NMNAT1: variants seen among roughly 807,000 people sequenced by gnomAD.
NMNAT1 encodes nicotinamide/nicotinic acid mononucleotide adenylyltransferase 1.
In NMNAT1, 11 loss-of-function variants were observed where a neutral mutation model predicts 16.7. The ratio of observed to expected loss-of-function variants is 0.66; its 90% CI spans 0.41 to 1.09. The LOEUF (loss-of-function observed/expected upper bound fraction) is 1.09. NMNAT1 is among the 50% of genes least tolerant of loss of function. The pLI, the probability that NMNAT1 is intolerant of heterozygous loss-of-function variation, is 0.00. For missense variants in NMNAT1, 280 were observed against 332.3 expected, an observed-to-expected ratio of 0.84 and a Z score of 1.22; for synonymous variants, 110 against 119.8, an observed-to-expected ratio of 0.92 and a Z score of 0.53.
chr1:9,961,109 T>C (rs77399611), intron 1 of NMNAT1, among the ~76,000 whole-genome samples: 18 of 152,270 alleles, frequency 1.2e-4, no homozygotes, highest in African/African-American at 4.3e-4. Context: ...AGACAAGTTA[T>C]AGATGTAACA....
rs556455579 is a variant in NMNAT1, at chr1:9,956,981, C to T, written c.-57+13466C>T. ...TCCTGATCTTGTGATCCACCCGCCT[C>T]GGCCTCCCAAAATGCTAAGATTACA... On this transcript the variant is annotated intron_variant, in intron 1 of 4. Coordinates refer to ENST00000377205, the MANE Select transcript of NMNAT1 (RefSeq NM_022787.4). 2.0e-5 allele frequency among the ~76,000 whole-genome samples: 3 copies of T among 151,516 alleles called. No individual in the cohort carries two copies. In the East Asian group the frequency reaches 5.8e-4, roughly 29 times the overall value.
chr1:9,993,977 G>A, the NMNAT1 span, among the ~76,000 whole-genome samples: 2 of 152,084 alleles, frequency 1.3e-5, no homozygotes, highest in Admixed American at 6.6e-5. Flanking sequence ...ATGACCTCGG[G>A]CAAGTTAGTT....
At chr1:9,967,156 A>G (rs562915042) in intron 1 of NMNAT1, among the ~76,000 whole-genome samples, 29 of 151,904 alleles carry the variant, frequency 1.9e-4, no homozygotes, top group Non-Finnish European at 3.2e-4. Flanking sequence ...CCTGGGAGGC[A>G]GAGGTTGCAG....
chr1:9,946,580 G>A (rs1465605122), intron 1 of NMNAT1, among the ~76,000 whole-genome samples: 1 of 152,212 alleles, frequency 6.6e-6, no homozygotes, highest in Non-Finnish European at 1.5e-5. Context: ...GAACACTTGG[G>A]CCTCTTTTAA....
chr1:9,956,054 G>A (rs1407771884), intron 1 of NMNAT1: 2 of 151,966 alleles, frequency 1.3e-5, no homozygotes, highest in African/African-American at 4.8e-5. Flanking sequence ...CTTCTCTTGA[G>A]AACCTTGGTT....
At chr1:9,957,449 T>G (rs781549428) in intron 1 of NMNAT1, among the ~76,000 whole-genome samples, 8 of 151,642 alleles carry the variant, frequency 5.3e-5, no homozygotes, top group Non-Finnish European at 7.4e-5. Context: ...GCCTCCCGAG[T>G]AGCTGGATTA....
intron 3 of NMNAT1, among the ~76,000 whole-genome samples, chr1:9,979,247 T>C (rs1023156870): frequency 4.0e-5 from 6 of 151,628 alleles, no homozygotes; most frequent in African/African-American, 1.5e-4. Context: ...GCAGGAGGAT[T>C]GCTTGAGGCC....
the NMNAT1 span, among the ~76,000 whole-genome samples, chr1:9,991,544 C>T: frequency 6.6e-6 from 1 of 152,060 alleles, no homozygotes; most frequent in Non-Finnish European, 1.5e-5. Flanking sequence ...TCTGGCTTCT[C>T]AATGAAAATG....
In NMNAT1 at chr1:9,982,353, T is replaced by C. The variant is rs1418329000; in HGVS notation, c.492T>C (p.Ala164=). 6.2e-7 allele frequency: 1 copy of C among 1,614,092 alleles called. No individual in the cohort carries two copies. The highest frequency in any genetic ancestry group is 8.5e-7 in the Non-Finnish European group (1 of 1,180,036). The change falls in exon 5 of 5, where the codon GCT becomes GCC. Residue 164 remains alanine, a synonymous_variant. Coordinates refer to ENST00000377205, the MANE Select transcript of NMNAT1 (RefSeq NM_022787.4). ...LCGADLLESF[A]VPNLWKSEDI... is the part of the protein sequence containing the mutation. ...GGGCAGATTTATTGGAGTCCTTTGC[T>C]GTTCCCAATTTGTGGAAGAGTGAAG...
At chr1:9,966,026 C>T (rs538078314) in intron 1 of NMNAT1, among the ~76,000 whole-genome samples, 8 of 151,992 alleles carry the variant, frequency 5.3e-5, no homozygotes, top group East Asian at 1.9e-4. Flanking sequence ...TGGCTGGGCA[C>T]GGTGGCTCAC....
downstream of NMNAT1, among the ~76,000 whole-genome samples, chr1:9,987,949 C>T (rs1642065522): frequency 6.6e-6 from 1 of 152,100 alleles, no homozygotes; most frequent in African/African-American, 2.4e-5. Context: ...TATTTACTTA[C>T]TTATTTCCCA....
chr1:9,990,337 T>A (rs1315992163), downstream of NMNAT1, among the ~76,000 whole-genome samples: 2 of 152,128 alleles, frequency 1.3e-5, no homozygotes, highest in African/African-American at 4.8e-5. Flanking sequence ...GCCCTTGAGT[T>A]ATAGGAGGGT....
chr1:9,953,978 G>C (rs939220625), intron 1 of NMNAT1, among the ~76,000 whole-genome samples: 8 of 149,722 alleles, frequency 5.3e-5, no homozygotes, highest in Non-Finnish European at 8.9e-5. Flanking sequence ...GCTAATTTTT[G>C]TATTTTTAGT....
At chr1:9,947,861 G>A (rs968938818) in intron 1 of NMNAT1, among the ~76,000 whole-genome samples, 3 of 152,020 alleles carry the variant, frequency 2.0e-5, no homozygotes, top group Admixed American at 2.0e-4. Flanking sequence ...TTGTACCCTT[G>A]CCTCTCCCTA....
intron 1 of NMNAT1, among the ~76,000 whole-genome samples, chr1:9,959,110 G>GC (rs373408707): frequency 3.4e-4 from 52 of 152,284 alleles, no homozygotes; most frequent in Admixed American, 1.9e-3. Flanking sequence ...AGTGGCTTAA[G>GC]CCTGTAATCC....
chr1:9,962,583 A>C (rs1325727573), intron 1 of NMNAT1, among the ~76,000 whole-genome samples: 1 of 151,868 alleles, frequency 6.6e-6, no homozygotes, highest in Non-Finnish European at 1.5e-5. Flanking sequence ...CCTCAAAGTA[A>C]CTGAGATTGG....
Position 9,982,352 on chromosome 1 carries a change from C to G in NMNAT1, c.491C>G (p.Ala164Gly). The G allele has an allele frequency of 6.2e-7, 1 of 1,614,144 alleles. No homozygotes were observed. The highest frequency in any genetic ancestry group is 8.5e-7 in the Non-Finnish European group (1 of 1,180,020). Residue 164 changes from alanine (A) to glycine (G), a missense_variant, in exon 5 of 5, where the codon GCT (alanine) becomes GGT (glycine). By Grantham distance (60) the Ala-to-Gly change is moderately conservative. Coordinates refer to ENST00000377205, the MANE Select transcript of NMNAT1 (RefSeq NM_022787.4). ...GGGGCAGATTTATTGGAGTCCTTTGCTGTTCCCAATTTGTGGAAGAGTGAA... is the reference window on the plus strand; with the variant it reads ...GGGGCAGATTTATTGGAGTCCTTTGGTGTTCCCAATTTGTGGAAGAGTGAA... Reference protein sequence around the residue: ...LCGADLLESFAVPNLWKSEDI... With the variant: ...LCGADLLESFGVPNLWKSEDI...
chr1:9,990,819 T>G, the NMNAT1 span, among the ~76,000 whole-genome samples: 2 of 152,128 alleles, frequency 1.3e-5, no homozygotes, highest in Non-Finnish European at 2.9e-5. Context: ...AATCTTCTGG[T>G]TTACTTTGCC....
Position 9,982,384 on chromosome 1 carries a change from A to T in NMNAT1, c.523A>T (p.Thr175Ser), listed in dbSNP as rs199804180. 4 of 1,614,022 alleles carry T rather than the reference A, an allele frequency of 2.5e-6. No individual in the cohort carries two copies. The African/African-American group carries it at 5.3e-5, about 22-fold the overall frequency. ...CAATTTGTGGAAGAGTGAAGACATC[A>T]CCCAAATCGTGGCCAACTATGGGCT... ...VPNLWKSEDI[T>S]QIVANYGLIC... The change falls in exon 5 of 5, where the codon ACC becomes TCC. Residue 175 changes from threonine to serine, a missense_variant. Thr to Ser is a moderately conservative substitution (Grantham distance 58, BLOSUM62 1). Coordinates refer to ENST00000377205, the MANE Select transcript of NMNAT1 (RefSeq NM_022787.4).
Sources: allele counts gnomAD v4.1 joint callset (sites outside exome capture counted in the v4.1 genomes callset), GRCh38; gene constraint gnomAD v4.1.1; transcripts MANE v1.5; gene names NCBI Gene and HGNC (gene_info 2026-07-23, HGNC 2026-07-21).